COL21A1: variants seen among roughly 807,000 people sequenced by gnomAD.
COL21A1 encodes the protein collagen alpha-1(XXI) chain.
A neutral mutation model predicts 137.9 loss-of-function variants in COL21A1; 149 were observed. That is an observed-to-expected ratio of 1.08 (90% CI 0.95 to 1.24). The LOEUF (loss-of-function observed/expected upper bound fraction) is 1.24. COL21A1 is among the 50% of genes most tolerant of loss of function. The probability of loss-of-function intolerance (pLI) is 0.00; values close to 1 mark genes in which losing one functional copy is unlikely to be tolerated. For synonymous variants in COL21A1, 456 were observed against 391.5 expected, an observed-to-expected ratio of 1.16 and a Z score of -1.95; for missense variants, 1,167 against 1,158.4, an observed-to-expected ratio of 1.01 and a Z score of -0.11.
At chr6:56,124,407 G>A (rs575964030) in intron 14 of COL21A1, 115 bp from the exon 15 acceptor site, 3 of 954,120 alleles carry the variant, frequency 3.1e-6, no homozygotes, top group African/African-American at 3.3e-5. Context: ...AAAAACTCAT[G>A]GAACTACAAC....
At chr6:56,231,735 C>T (rs1781576120) in intron 1 of COL21A1, among the ~76,000 whole-genome samples, 1 of 151,768 alleles carries the variant, frequency 6.6e-6, no homozygotes, top group Non-Finnish European at 1.5e-5. Context: ...TATGACTTTT[C>T]TATAATTAAC....
At chr6:56,063,344 C>T (rs527599032) in intron 24 of COL21A1, among the ~76,000 whole-genome samples, 1 of 152,098 alleles carries the variant, frequency 6.6e-6, no homozygotes, top group South Asian at 2.1e-4. Flanking sequence ...GATAAAAGGT[C>T]TGGGCTGTAG....
intron 1 of COL21A1, among the ~76,000 whole-genome samples, chr6:56,195,956 A>T (rs892088073): frequency 6.6e-6 from 1 of 152,158 alleles, no homozygotes; most frequent in Non-Finnish European, 1.5e-5. Context: ...ATGAACATGG[A>T]TGTAAAATTT....
chr6:56,138,389 C>T (rs1582459121), intron 12 of COL21A1, among the ~76,000 whole-genome samples: 1 of 151,372 alleles, frequency 6.6e-6, no homozygotes, highest in Admixed American at 6.6e-5. Context: ...AATAAAATCT[C>T]TTAATGAGGA....
intron 24 of COL21A1, among the ~76,000 whole-genome samples, chr6:56,064,093 A>AAGC (rs1766034554): frequency 6.6e-6 from 1 of 152,124 alleles, no homozygotes; most frequent in Non-Finnish European, 1.5e-5. Flanking sequence ...TGTCTGTTCT[A>AAGC]CAACACTGTC....
intron 1 of COL21A1, among the ~76,000 whole-genome samples, chr6:56,241,289 C>T (rs1177172779): frequency 6.6e-6 from 1 of 152,306 alleles, no homozygotes; most frequent in South Asian, 2.1e-4. Context: ...AAAAAGATCA[C>T]TCTCTGTAAG....
At chr6:56,089,416 T>C (rs1179421269) in intron 17 of COL21A1, among the ~76,000 whole-genome samples, 1 of 152,200 alleles carries the variant, frequency 6.6e-6, no homozygotes, top group Non-Finnish European at 1.5e-5. Flanking sequence ...CTAACATCTA[T>C]ATATATTTTT....
intron 16 of COL21A1, among the ~76,000 whole-genome samples, chr6:56,121,741 G>T (rs1053765118): frequency 1.3e-5 from 2 of 151,776 alleles, no homozygotes; most frequent in African/African-American, 4.8e-5. Context: ...GGGTTGGGAA[G>T]TGGCAGGGGA....
intron 1 of COL21A1, among the ~76,000 whole-genome samples, chr6:56,372,653 G>T (rs543833114): frequency 2.0e-5 from 3 of 152,148 alleles, no homozygotes; most frequent in Non-Finnish European, 4.4e-5. Context: ...AGGCTGGAGT[G>T]GGGGGAAAAA....
intron 3 of COL21A1, among the ~76,000 whole-genome samples, chr6:56,176,637 G>A (rs1007812108): frequency 1.3e-5 from 2 of 148,346 alleles, no homozygotes; most frequent in African/African-American, 5.0e-5. Flanking sequence ...AAGAGGGAGG[G>A]GGGGAAGGAG....
At chr6:56,090,066 C>A (rs1212993462) in intron 17 of COL21A1, among the ~76,000 whole-genome samples, 1 of 151,998 alleles carries the variant, frequency 6.6e-6, no homozygotes, top group African/African-American at 2.4e-5. Flanking sequence ...ATGGTGAAAC[C>A]CTGTCTCTAC....
chr6:56,190,196 CA>C (rs1208687463), intron 1 of COL21A1, among the ~76,000 whole-genome samples: 1 of 151,860 alleles, frequency 6.6e-6, no homozygotes, highest in African/African-American at 2.4e-5. Context: ...AGACTGCTAG[CA>C]AGACTAATAA....
intron 17 of COL21A1, among the ~76,000 whole-genome samples, chr6:56,085,090 C>A (rs1487402646): frequency 6.6e-6 from 1 of 151,994 alleles, no homozygotes; most frequent in Non-Finnish European, 1.5e-5. Flanking sequence ...TCCCAGGCAC[C>A]ATTTCCCCCA....
intron 1 of COL21A1, among the ~76,000 whole-genome samples, chr6:56,385,594 G>T (rs913406997): frequency 6.6e-6 from 1 of 151,908 alleles, no homozygotes; most frequent in Non-Finnish European, 1.5e-5. Flanking sequence ...AAAATTAACT[G>T]TTTAAAGCAT....
rs189351174 is a variant in COL21A1, at chr6:56,200,801, T to A, written c.-38-18145A>T. On this transcript the variant is annotated intron_variant, in intron 1 of 29. Coordinates refer to ENST00000244728, the MANE Select transcript of COL21A1 (RefSeq NM_030820.4). Reference sequence around the variant, plus strand: ...GTCTTTATAGCAGCATGATTTATAATCCTTTGGGTATATACCCAGTAATGG... The same window carrying A: ...GTCTTTATAGCAGCATGATTTATAAACCTTTGGGTATATACCCAGTAATGG... Among the ~76,000 whole-genome samples the A allele has an allele frequency of 8.3e-3, 1,260 of 152,222 alleles. 21 individuals carry two copies. The highest frequency in any genetic ancestry group is 0.029 in the African/African-American group (1,215 of 41,526).
At chr6:56,102,765 T>C (rs2152170479) in intron 16 of COL21A1, among the ~76,000 whole-genome samples, 1 of 152,280 alleles carries the variant, frequency 6.6e-6, no homozygotes, top group South Asian at 2.1e-4. Context: ...AATTCCTGCA[T>C]TTTATTAGAA....
At chr6:56,262,109 T>C (rs755761845) in intron 1 of COL21A1, among the ~76,000 whole-genome samples, 4 of 152,200 alleles carry the variant, frequency 2.6e-5, no homozygotes, top group Non-Finnish European at 5.9e-5. Context: ...TCAAACCTGG[T>C]GTCTTTCTTA....
intron 1 of COL21A1, among the ~76,000 whole-genome samples, chr6:56,233,353 A>T (rs1343580359): frequency 6.6e-6 from 1 of 151,966 alleles, no homozygotes; most frequent in African/African-American, 2.4e-5. Flanking sequence ...CATGAGCTCA[A>T]TGAATACATT....
At chr6:56,096,921 AC>A (rs1266085092) in intron 17 of COL21A1, among the ~76,000 whole-genome samples, 2 of 152,108 alleles carry the variant, frequency 1.3e-5, no homozygotes, top group African/African-American at 4.8e-5. Context: ...AAATATATAA[AC>A]TTTATGGATT....
Sources: gnomAD v4.1 joint callset for allele counts (sites outside exome capture counted in the v4.1 genomes callset) on GRCh38, gnomAD v4.1.1 for gene constraint, MANE v1.5 for transcripts, NCBI Gene and HGNC (gene_info 2026-07-23, HGNC 2026-07-21) for gene names.